CPED1: variants seen among roughly 807,000 people sequenced by gnomAD.
CPED1 encodes the protein cadherin-like and PC-esterase domain-containing protein 1.
A neutral mutation model predicts 128.2 loss-of-function variants in CPED1; 114 were observed. The ratio of observed to expected loss-of-function variants is 0.89; its 90% CI spans 0.76 to 1.04. The LOEUF is 1.04. CPED1 is among the 50% of genes least tolerant of loss of function. CPED1 has a pLI of 0.00. For synonymous variants in CPED1, 462 were observed against 426.7 expected (o/e 1.08, Z -1.02); for missense variants, 1,211 against 1,207.1 (o/e 1.00, Z -0.05).
At chr7:121,044,409 G>A (rs1419102014) in intron 3 of CPED1, among the ~76,000 whole-genome samples, 1 of 152,124 alleles carries the variant, frequency 6.6e-6, no homozygotes, top group Admixed American at 6.6e-5. Context: ...GAAGGTGTAT[G>A]AAGATATTAC....
chr7:121,012,959 A>G (rs1339781403), intron 2 of CPED1, among the ~76,000 whole-genome samples: 1 of 152,218 alleles, frequency 6.6e-6, no homozygotes, highest in East Asian at 1.9e-4. Context: ...AAAACTACTC[A>G]AAGTTTTAAA....
At chr7:121,254,021 C>A (rs1490823734) in intron 18 of CPED1, among the ~76,000 whole-genome samples, 1 of 151,998 alleles carries the variant, frequency 6.6e-6, no homozygotes, top group African/African-American at 2.4e-5. Context: ...AGGAAACTAA[C>A]AAAGAAACTC....
intron 15 of CPED1, 67 bp downstream of exon 15, chr7:121,141,080 T>C: frequency 7.6e-7 from 1 of 1,308,212 alleles, no homozygotes; most frequent in Non-Finnish European, 1.0e-6. Context: ...ATGCAAACTT[T>C]GAAAGTGGTT....
intron 2 of CPED1, among the ~76,000 whole-genome samples, chr7:120,991,320 G>A (rs1254750193): frequency 6.6e-6 from 1 of 152,126 alleles, no homozygotes; most frequent in Non-Finnish European, 1.5e-5. Flanking sequence ...TCTATTTTTA[G>A]GCACAGTAAA....
chr7:121,232,031 G>T (rs1798152662), intron 16 of CPED1, among the ~76,000 whole-genome samples: 1 of 152,088 alleles, frequency 6.6e-6, no homozygotes, highest in Non-Finnish European at 1.5e-5. Flanking sequence ...TTGCCACAAG[G>T]AGGAGCCAGG....
rs144834264 is a variant in CPED1 at position 120,998,723 on chromosome 7, C to A, written c.249+8853C>A. 1.9e-3 allele frequency among the ~76,000 whole-genome samples: 286 copies of A among 152,156 alleles called. 2 individuals are homozygous for A. Among genetic ancestry groups the A allele is most frequent in the African/African-American group, 6.6e-3 (274 of 41,518 alleles). ...GTTGCCTTTTCACAGTAAAATGAAT[C>A]TTTTGAAACAAAACCAAACTTAAGG... On this transcript the variant is annotated intron_variant, in intron 2 of 22. Transcript: ENST00000310396.
At chr7:121,257,838 C>T (rs1791921635) in intron 18 of CPED1, among the ~76,000 whole-genome samples, 1 of 151,962 alleles carries the variant, frequency 6.6e-6, no homozygotes, top group Admixed American at 6.6e-5. Context: ...AATGTTAAAG[C>T]ATAACAGTTA....
intron 16 of CPED1, among the ~76,000 whole-genome samples, chr7:121,200,009 G>C (rs1221042108): frequency 6.6e-6 from 1 of 151,990 alleles, no homozygotes; most frequent in Admixed American, 6.6e-5. Context: ...CATCTCATCT[G>C]AGACTAGCTG....
At chr7:121,076,904 G>A (rs899583641) in intron 5 of CPED1, among the ~76,000 whole-genome samples, 2 of 151,906 alleles carry the variant, frequency 1.3e-5, no homozygotes, top group African/African-American at 4.8e-5. Context: ...GTGGATATTG[G>A]TGGATTTTTT....
At chr7:121,054,747 A>G (rs1230961102) in intron 4 of CPED1, among the ~76,000 whole-genome samples, 1 of 151,460 alleles carries the variant, frequency 6.6e-6, no homozygotes, top group Non-Finnish European at 1.5e-5. Context: ...ATGCATAGTT[A>G]TGCATCCATC....
intron 7 of CPED1, among the ~76,000 whole-genome samples, chr7:121,116,169 T>C (rs1240680713): frequency 2.6e-5 from 4 of 152,228 alleles, no homozygotes; most frequent in African/African-American, 9.6e-5. Context: ...AGAATCTACA[T>C]TCTGAATTTC....
chr7:121,194,020 CTCTATA>C (rs1454607350), intron 16 of CPED1, among the ~76,000 whole-genome samples: 889 of 78,608 alleles, frequency 0.011, 9 homozygotes, highest in Non-Finnish European at 0.014. Flanking sequence ...CTCTCTCTCT[CTCTATA>C]TATATATATA....
At chr7:121,284,191 C>CTTAT (rs1269297386) in intron 22 of CPED1, among the ~76,000 whole-genome samples, 1 of 152,116 alleles carries the variant, frequency 6.6e-6, no homozygotes, top group Non-Finnish European at 1.5e-5. Context: ...GGAAAAGTCC[C>CTTAT]TTATAAAACC....
chr7:121,024,338 G>A (rs1231599488), intron 3 of CPED1, among the ~76,000 whole-genome samples: 1 of 151,934 alleles, frequency 6.6e-6, no homozygotes, highest in African/African-American at 2.4e-5. Context: ...TTTACCCTTC[G>A]CTGTGCACAG....
intron 19 of CPED1, 46 bp downstream of exon 19, chr7:121,266,493 A>C: frequency 6.8e-7 from 1 of 1,478,386 alleles, no homozygotes; most frequent in South Asian, 1.1e-5. Context: ...CAAAGTACTG[A>C]TGTTCTGCTA....
chr7:121,220,887 A>G (rs562664089), intron 16 of CPED1, among the ~76,000 whole-genome samples: 16 of 152,036 alleles, frequency 1.1e-4, no homozygotes, highest in African/African-American at 3.6e-4. Flanking sequence ...AAATAAGATC[A>G]TGGTATACAT....
Position 121,023,353 on chromosome 7 carries a change from A to T in CPED1, c.433+7505A>T, listed in dbSNP as rs1328069390. Reference sequence around the variant, plus strand: ...GGGCATCACTAGGACCAGTTTATGGAAGGACATTTTATCTATCAGAGTTGT... The same window carrying T: ...GGGCATCACTAGGACCAGTTTATGGTAGGACATTTTATCTATCAGAGTTGT... On this transcript the variant is annotated intron_variant, in intron 3 of 22. Transcript: ENST00000310396. Among the ~76,000 whole-genome samples the T allele has an allele frequency of 3.3e-5, 5 of 152,246 alleles. No individual in the cohort carries two copies. The East Asian group carries it at 9.6e-4, about 29-fold the overall frequency.
chr7:121,188,462 T>C (rs530099174), intron 16 of CPED1, among the ~76,000 whole-genome samples: 1 of 152,288 alleles, frequency 6.6e-6, no homozygotes, highest in South Asian at 2.1e-4. Context: ...AATTCAGTTA[T>C]GGTTTATTGT....
intron 16 of CPED1, among the ~76,000 whole-genome samples, chr7:121,206,609 T>G (rs1012866135): frequency 2.6e-5 from 4 of 152,016 alleles, no homozygotes; most frequent in Non-Finnish European, 5.9e-5. Flanking sequence ...CCTTTTTATT[T>G]ATTATAAATA....
Sources: allele counts gnomAD v4.1 joint callset (sites outside exome capture counted in the v4.1 genomes callset), GRCh38; gene constraint gnomAD v4.1.1; transcripts MANE v1.5; gene names NCBI Gene and HGNC (gene_info 2026-07-23, HGNC 2026-07-21).